MRPS9: variants seen among roughly 807,000 people sequenced by gnomAD.
MRPS9 encodes the protein small ribosomal subunit protein uS9m.
Under a neutral mutation model 59.9 loss-of-function variants are expected in MRPS9, and 45 were observed. That is an observed-to-expected ratio of 0.75 (90% CI 0.59 to 0.96). MRPS9 has a LOEUF of 0.96. Ranked by LOEUF, MRPS9 falls within the 40% of genes least tolerant of loss-of-function variation. The pLI, the probability that MRPS9 is intolerant of heterozygous loss-of-function variation, is 0.00. For missense variants in MRPS9, 473 were observed against 481.1 expected (o/e 0.98, Z 0.16); for synonymous variants, 171 against 166.8 (o/e 1.03, Z -0.19).
At chr2:105,095,121 T>C (rs73945040) in intron 9 of MRPS9, among the ~76,000 whole-genome samples, 32,889 of 152,168 alleles carry the variant, frequency 0.22, 3,628 homozygotes, top group Middle Eastern at 0.35. Flanking sequence ...TTTAGGGCAG[T>C]CACTTCAGGA....
intron 8 of MRPS9, among the ~76,000 whole-genome samples, 164 bp downstream of exon 8, chr2:105,092,733 A>C: frequency 6.6e-6 from 1 of 152,210 alleles, no homozygotes; most frequent in Non-Finnish European, 1.5e-5. Context: ...GAAGTTTTTC[A>C]AAACTGAACT....
intron 4 of MRPS9, among the ~76,000 whole-genome samples, chr2:105,077,571 G>A (rs1680238249): frequency 6.6e-6 from 1 of 152,118 alleles, no homozygotes; most frequent in Non-Finnish European, 1.5e-5. Flanking sequence ...TTTCATGCAG[G>A]CATACATAGG....
intron 5 of MRPS9, among the ~76,000 whole-genome samples, chr2:105,080,284 G>C (rs1221420255): frequency 6.6e-6 from 1 of 152,108 alleles, no homozygotes; most frequent in African/African-American, 2.4e-5. Flanking sequence ...TCTTTAAAAT[G>C]CTTTTACTTA....
At chr2:105,091,629 A>G (rs1680560756) in intron 7 of MRPS9, among the ~76,000 whole-genome samples, 1 of 152,212 alleles carries the variant, frequency 6.6e-6, no homozygotes, top group Non-Finnish European at 1.5e-5. Flanking sequence ...GACAAAAAAC[A>G]TAAATAAGGT....
At chr2:105,093,969 C>A (rs887688715) in intron 9 of MRPS9, among the ~76,000 whole-genome samples, 2 of 152,186 alleles carry the variant, frequency 1.3e-5, no homozygotes, top group African/African-American at 4.8e-5. Context: ...TTTCCACCTT[C>A]TAGTTTGGGG....
intron 1 of MRPS9, among the ~76,000 whole-genome samples, chr2:105,046,777 A>C (rs992618474): frequency 2.0e-5 from 3 of 151,770 alleles, no homozygotes; most frequent in Non-Finnish European, 4.4e-5. Flanking sequence ...TGTGAACAAA[A>C]ACATTTTGTC....
intron 5 of MRPS9, among the ~76,000 whole-genome samples, chr2:105,082,698 G>A (rs909821259): frequency 6.6e-6 from 1 of 152,100 alleles, no homozygotes; most frequent in African/African-American, 2.4e-5. Context: ...AGCGTGATAG[G>A]AAAGTATAAA....
At chr2:105,088,759 T>C (rs1260787019) in intron 5 of MRPS9, among the ~76,000 whole-genome samples, 2 of 152,142 alleles carry the variant, frequency 1.3e-5, no homozygotes, top group Admixed American at 6.5e-5. Flanking sequence ...TGTGCTGTGA[T>C]GTATGACACT....
At chr2:105,045,502 C>T (rs768266835) in intron 1 of MRPS9, among the ~76,000 whole-genome samples, 2 of 150,782 alleles carry the variant, frequency 1.3e-5, no homozygotes, top group African/African-American at 4.9e-5. Context: ...AAAAACAAAA[C>T]CTAAAAAAAA....
intron 2 of MRPS9, among the ~76,000 whole-genome samples, chr2:105,049,569 A>G (rs926087817): frequency 6.6e-6 from 1 of 152,236 alleles, no homozygotes; most frequent in Non-Finnish European, 1.5e-5. Context: ...AAATGAGTCT[A>G]TAAATGCTCA....
intron 1 of MRPS9, among the ~76,000 whole-genome samples, chr2:105,045,160 G>T (rs1451998873): frequency 1.3e-5 from 2 of 152,212 alleles, no homozygotes; most frequent in Non-Finnish European, 2.9e-5. Flanking sequence ...ACAGATAATT[G>T]CTGTGGCTGA....
rs190864609 is a variant in MRPS9 at position 105,048,100 on chromosome 2, C to T, written c.136-1071C>T. 1.7e-3 allele frequency among the ~76,000 whole-genome samples: 263 copies of T among 152,066 alleles called. 3 individuals carry two copies. Among genetic ancestry groups the T allele is most frequent in the Non-Finnish European group, 2.6e-3 (176 of 67,920 alleles). ...ACAATAGCAAAGACTTGGAACCAAC[C>T]CAAATGTCCAACAATGATAGACTGG... On this transcript the variant is annotated intron_variant, in intron 1 of 10. Transcript: ENST00000258455.
intron 5 of MRPS9, among the ~76,000 whole-genome samples, chr2:105,088,431 G>A (rs1381713624): frequency 6.6e-6 from 1 of 151,914 alleles, no homozygotes; most frequent in Non-Finnish European, 1.5e-5. Flanking sequence ...GATTTTGTTA[G>A]GAAGTAAATT....
Position 105,071,368 on chromosome 2 carries a change from T to G in MRPS9, c.371T>G (p.Val124Gly). The G allele has an allele frequency of 6.2e-7, 1 of 1,609,136 alleles. No individual in the cohort carries two copies. Residue 124 changes from valine (V) to glycine (G), a missense_variant, in exon 3 of 11, where the codon GTA becomes GGA. Transcript: ENST00000258455. Reference protein sequence around the residue: ...SGLFEKRARPVMKHPEQIFPR... With the variant: ...SGLFEKRARPGMKHPEQIFPR... ...TTGTTTGAGAAACGAGCCAGGCCAG[T>G]AATGAAGGTAGTTATCTTAATTACT...
At position 105,099,661 on chromosome 2, in the gene MRPS9, A is replaced by T. The variant is rs752093447; in HGVS notation, c.1100-9A>T. On this transcript the variant is annotated splice_polypyrimidine_tract_variant and intron_variant, in intron 10 of 10. Transcript: ENST00000258455. ...ATGGTTCCTAAAGGCTTCTCTTTTTATGCTGCAGCTGGACTACTTACTACT... is the reference window on the plus strand; with the variant it reads ...ATGGTTCCTAAAGGCTTCTCTTTTTTTGCTGCAGCTGGACTACTTACTACT... 1.2e-6 allele frequency: 2 copies of T among 1,612,990 alleles called. No individual in the cohort carries two copies. The highest frequency in any genetic ancestry group is 1.7e-6 in the Non-Finnish European group (2 of 1,179,588).
intron 1 of MRPS9, among the ~76,000 whole-genome samples, chr2:105,042,191 G>A (rs1470913403): frequency 6.6e-6 from 1 of 152,260 alleles, no homozygotes; most frequent in African/African-American, 2.4e-5. Flanking sequence ...GGTAAGGCAA[G>A]AGTCCAGGTA....
chr2:105,097,376 T>G, intron 10 of MRPS9, 52 bp downstream of exon 10: 1 of 1,416,490 alleles, frequency 7.1e-7, no homozygotes, highest in Non-Finnish European at 9.3e-7. Context: ...CTATACATGT[T>G]CATCTGCTTC....
chr2:105,096,489 C>T (rs946821776), intron 9 of MRPS9, among the ~76,000 whole-genome samples: 3 of 152,016 alleles, frequency 2.0e-5, no homozygotes, highest in Non-Finnish European at 2.9e-5. Context: ...TCTGTGGTGC[C>T]TGCCCCAGGA....
In MRPS9 at chr2:105,038,623, G is replaced by C. The variant is rs149184821; in HGVS notation, c.135+396G>C. ...ATTGGATTCCTGCAGGTGCCTGGAA[G>C]ACAATGGAGAAAGTCACGTTGTGTA... is the stretch of plus-strand genomic sequence containing the variant. On this transcript the variant is annotated intron_variant, in intron 1 of 10. Coordinates refer to ENST00000258455, the MANE Select transcript of MRPS9 (RefSeq NM_182640.3). The C allele has an allele frequency of 1.3e-3, 235 of 177,020 alleles. 1 individual carries two copies. The highest frequency in any genetic ancestry group is 5.0e-3 in the Middle Eastern group (2 of 400). The allele number at this position is 177,020 out of a possible 1,614,324, so 11.0% of individuals were successfully genotyped here. A position where few individuals can be genotyped will look rare whatever the true frequency, so the allele number is the denominator to read the frequency against.
Sources: allele counts gnomAD v4.1 joint callset (sites outside exome capture counted in the v4.1 genomes callset), GRCh38; gene constraint gnomAD v4.1.1; transcripts MANE v1.5; gene names NCBI Gene and HGNC (gene_info 2026-07-23, HGNC 2026-07-21).